The following MSRA variants were observed in gnomAD, a reference collection of about 807,000 sequenced individuals.
MSRA encodes the protein mitochondrial peptide methionine sulfoxide reductase.
MSRA carries 54 observed loss-of-function variants against 31.3 expected under a neutral mutation model. The ratio of observed to expected loss-of-function variants is 1.73; its 90% CI spans 1.39 to 2.17. MSRA has a LOEUF of 2.17. MSRA is among the 30% of genes most tolerant of loss of function. The pLI is 0.00. For synonymous variants in MSRA, 169 were observed against 116.5 expected, an observed-to-expected ratio of 1.45 and a Z score of -2.90; for missense variants, 507 against 300.9, an observed-to-expected ratio of 1.69 and a Z score of -5.07.
At chr8:10,159,103 G>C (rs1258393752) in intron 1 of MSRA, among the ~76,000 whole-genome samples, 2 of 152,358 alleles carry the variant, frequency 1.3e-5, no homozygotes, top group Non-Finnish European at 1.5e-5. Flanking sequence ...ATGGATGGCA[G>C]CAGACAGGCC....
chr8:10,178,783 G>C (rs1806285597), intron 1 of MSRA, among the ~76,000 whole-genome samples: 1 of 152,188 alleles, frequency 6.6e-6, no homozygotes, highest in Non-Finnish European at 1.5e-5. Flanking sequence ...ACTAGGTTGA[G>C]ATACTTTGGA....
chr8:10,054,406 C>T lies in MSRA; in HGVS notation c.-111C>T. The T allele has an allele frequency of 1.1e-6, 1 of 931,580 alleles. No individual in the cohort carries two copies. Among genetic ancestry groups the T allele is most frequent in the Non-Finnish European group, 1.4e-6 (1 of 707,762 alleles). 57.7% of individuals were successfully genotyped at this position (931,580 alleles called of 1,614,324 possible). A position where few individuals can be genotyped will look rare whatever the true frequency, so the allele number is the denominator to read the frequency against. On this transcript the variant is annotated 5_prime_UTR_variant, in exon 1 of 6. Coordinates refer to ENST00000317173, the MANE Select transcript of MSRA (RefSeq NM_012331.5). Reference sequence around the variant, plus strand: ...AGCGCCCCGCGCCCGCCCGCCCGCGCCCCTGCCGCCCCCCGGTTCCGGCCG... The same window carrying T: ...AGCGCCCCGCGCCCGCCCGCCCGCGTCCCTGCCGCCCCCCGGTTCCGGCCG...
chr8:10,248,819 G>A (rs1035270930), intron 3 of MSRA, among the ~76,000 whole-genome samples: 11 of 152,224 alleles, frequency 7.2e-5, no homozygotes, highest in African/African-American at 2.2e-4. Context: ...ACTTGCACCC[G>A]ACATGCGTAG....
chr8:10,344,461 C>T (rs1803640889), intron 5 of MSRA, among the ~76,000 whole-genome samples: 1 of 150,938 alleles, frequency 6.6e-6, no homozygotes, highest in South Asian at 2.1e-4. Flanking sequence ...GAAGTCCCAG[C>T]TACTGGGGAG....
intron 1 of MSRA, among the ~76,000 whole-genome samples, chr8:10,055,491 C>T (rs1056206793): frequency 6.6e-6 from 1 of 152,248 alleles, no homozygotes; most frequent in Non-Finnish European, 1.5e-5. Context: ...AGTGCCCCCA[C>T]CTGCCGCAGC....
At chr8:10,177,646 A>G (rs958635514) in intron 1 of MSRA, among the ~76,000 whole-genome samples, 1 of 152,226 alleles carries the variant, frequency 6.6e-6, no homozygotes, top group African/African-American at 2.4e-5. Flanking sequence ...GATGTATACC[A>G]TTAAGGAAAT....
chr8:10,408,600 TTAAATG>T (rs1807964927), intron 5 of MSRA, among the ~76,000 whole-genome samples: 1 of 152,182 alleles, frequency 6.6e-6, no homozygotes, highest in South Asian at 2.1e-4. Context: ...TTTAATTTGT[TTAAATG>T]TAAGGGGCAC....
intron 3 of MSRA, among the ~76,000 whole-genome samples, chr8:10,245,596 G>T (rs1043609767): frequency 6.6e-6 from 1 of 152,228 alleles, no homozygotes; most frequent in African/African-American, 2.4e-5. Context: ...TTGCCTGGGG[G>T]CTAGTCAGCC....
chr8:10,193,573 G>T (rs929845428), intron 1 of MSRA, among the ~76,000 whole-genome samples: 13 of 152,164 alleles, frequency 8.5e-5, no homozygotes, highest in Non-Finnish European at 1.5e-4. Flanking sequence ...GCACCCAGCA[G>T]TGTGTTTAAA....
At position 10,164,465 on chromosome 8, in the gene MSRA, T is replaced by A. The variant is rs367983893; in HGVS notation, c.143-43368T>A. ...TAGCTTCCTGAGCTTTTTAGAAGTTTTAGGCTGTGCTGGTTTTGACCCCTT... is the reference window on the plus strand; with the variant it reads ...TAGCTTCCTGAGCTTTTTAGAAGTTATAGGCTGTGCTGGTTTTGACCCCTT... On this transcript the variant is annotated intron_variant, in intron 1 of 5. Transcript: ENST00000317173. Among the ~76,000 whole-genome samples the A allele has an allele frequency of 5.3e-4, 80 of 152,270 alleles. No homozygotes were observed. In the South Asian group the frequency reaches 0.015, roughly 28 times the overall value.
Position 10,096,101 on chromosome 8 carries a change from C to G in MSRA, c.142+41443C>G. On this transcript the variant is annotated intron_variant, in intron 1 of 5. Coordinates refer to ENST00000317173, the MANE Select transcript of MSRA (RefSeq NM_012331.5). ...TAGACATTTATAGACATTAACTTTT[C>G]AAGGAGCCTTTCTAAGATTTTATGC... 2.3e-6 allele frequency: 3 copies of G among 1,306,440 alleles called. No individual in the cohort carries two copies. In the Admixed American group the frequency reaches 9.4e-5, roughly 41 times the overall value. The allele number at this position is 1,306,440 out of a possible 1,614,324, so 80.9% of individuals were successfully genotyped here. A position where few individuals can be genotyped will look rare whatever the true frequency, so the allele number is the denominator to read the frequency against.
chr8:10,414,164 C>T (rs1207919113), intron 5 of MSRA, among the ~76,000 whole-genome samples: 1 of 151,300 alleles, frequency 6.6e-6, no homozygotes, highest in East Asian at 1.9e-4. Flanking sequence ...GAGACTCTGT[C>T]TATGAAGAAA....
chr8:10,378,889 A>G (rs1805898512), intron 5 of MSRA, among the ~76,000 whole-genome samples: 1 of 152,208 alleles, frequency 6.6e-6, no homozygotes, highest in African/African-American at 2.4e-5. Flanking sequence ...ACCATATCTT[A>G]TTAAAACACC....
intron 1 of MSRA, among the ~76,000 whole-genome samples, chr8:10,075,304 G>T (rs960047984): frequency 9.2e-5 from 14 of 152,142 alleles, no homozygotes; most frequent in African/African-American, 3.4e-4. Context: ...GAAGTTGTGT[G>T]TTCAATAAAA....
intron 1 of MSRA, among the ~76,000 whole-genome samples, chr8:10,181,179 A>G (rs370091606): frequency 1.3e-5 from 2 of 152,348 alleles, no homozygotes; most frequent in East Asian, 3.9e-4. Flanking sequence ...ATAATTTCAG[A>G]TAGTGCTACA....
intron 3 of MSRA, among the ~76,000 whole-genome samples, chr8:10,258,058 C>T (rs923946875): frequency 1.3e-5 from 2 of 151,994 alleles, no homozygotes; most frequent in Admixed American, 6.5e-5. Flanking sequence ...TACATGTGAC[C>T]ACTTCTTCTA....
intron 2 of MSRA, among the ~76,000 whole-genome samples, chr8:10,221,436 GTATA>G (rs201045996): frequency 7.2e-6 from 1 of 138,814 alleles, no homozygotes; most frequent in Non-Finnish European, 1.6e-5. Context: ...GTATATATGT[GTATA>G]TATACATATA....
chr8:10,104,392 G>A (rs569254660), intron 1 of MSRA, among the ~76,000 whole-genome samples: 30 of 152,268 alleles, frequency 2.0e-4, no homozygotes, highest in African/African-American at 7.2e-4. Context: ...CAGGGTGATG[G>A]GGGTACAGCT....
intron 5 of MSRA, among the ~76,000 whole-genome samples, chr8:10,395,816 G>T (rs1807061805): frequency 6.6e-6 from 1 of 152,152 alleles, no homozygotes. Context: ...CATCTTCTGT[G>T]GGTTTCAGAG....
Sources: gnomAD v4.1 joint callset for allele counts (sites outside exome capture counted in the v4.1 genomes callset) on GRCh38, gnomAD v4.1.1 for gene constraint, MANE v1.5 for transcripts, NCBI Gene and HGNC (gene_info 2026-07-23, HGNC 2026-07-21) for gene names.